Variants in PTPRB observed in about 807,000 individuals in gnomAD.
PTPRB encodes protein tyrosine phosphatase receptor type B, also known as receptor-type tyrosine-protein phosphatase beta.
A neutral mutation model predicts 238.1 loss-of-function variants in PTPRB; 97 were observed. That is an observed-to-expected ratio of 0.41 (90% CI 0.35 to 0.48). The LOEUF is 0.48. Among genes scored for constraint, PTPRB ranks in the 20% least tolerant of loss-of-function variants. PTPRB has a pLI of 0.30. For missense variants in PTPRB, 2,292 were observed against 2,681.9 expected (o/e 0.85, Z 3.21); for synonymous variants, 970 against 995.4 (o/e 0.97, Z 0.48).
At chr12:70,614,339 T>G (rs1884588419) in intron 3 of PTPRB, among the ~76,000 whole-genome samples, 1 of 152,224 alleles carries the variant, frequency 6.6e-6, no homozygotes, top group Admixed American at 6.5e-5. Flanking sequence ...GGCTTTAATT[T>G]TTTTTTTAAT....
chr12:70,612,223 C>T (rs1048511446), intron 3 of PTPRB, among the ~76,000 whole-genome samples: 2 of 152,200 alleles, frequency 1.3e-5, no homozygotes, highest in African/African-American at 4.8e-5. Context: ...GACCCATAAA[C>T]ATGAGCATAC....
chr12:70,607,807 TC>T (rs887677678), intron 4 of PTPRB, among the ~76,000 whole-genome samples: 1 of 152,098 alleles, frequency 6.6e-6, no homozygotes, highest in Non-Finnish European at 1.5e-5. Context: ...TGCCTCAGCC[TC>T]CCAAAGTGCT....
At chr12:70,601,135 G>T (rs1333721458) in intron 4 of PTPRB, among the ~76,000 whole-genome samples, 1 of 152,010 alleles carries the variant, frequency 6.6e-6, no homozygotes, top group Non-Finnish European at 1.5e-5. Flanking sequence ...CAAAGTGCTG[G>T]GATTACAAGC....
chr12:70,572,396 G>A (rs1257490240), intron 11 of PTPRB, among the ~76,000 whole-genome samples: 3 of 152,078 alleles, frequency 2.0e-5, no homozygotes, highest in East Asian at 3.9e-4. Flanking sequence ...GATGGTAAAC[G>A]ATATAGATAA....
In PTPRB at chr12:70,559,334, A is replaced by G. The variant is rs770649548; in HGVS notation, c.4714+9T>C. The G allele has an allele frequency of 6.2e-7, 1 of 1,602,342 alleles. No individual in the cohort carries two copies. The highest frequency in any genetic ancestry group is 1.1e-5 in the South Asian group (1 of 90,828). On this transcript the variant is annotated intron_variant, in intron 18 of 33. Coordinates refer to ENST00000334414, the MANE Select transcript of PTPRB (RefSeq NM_001109754.4). Reference sequence around the variant, plus strand: ...ATTTGAGAAATAAGAGTAGCAAAACATGTCATACTTGTCCTCACAGATCCA... The same window carrying G: ...ATTTGAGAAATAAGAGTAGCAAAACGTGTCATACTTGTCCTCACAGATCCA...
chr12:70,580,701 C>A (rs2136420291), intron 10 of PTPRB, among the ~76,000 whole-genome samples: 1 of 152,180 alleles, frequency 6.6e-6, no homozygotes, highest in Non-Finnish European at 1.5e-5. Context: ...CGCCTGTAAT[C>A]CCAGCTACTC....
intron 32 of PTPRB, among the ~76,000 whole-genome samples, chr12:70,529,374 G>A (rs536217167): frequency 1.7e-4 from 26 of 152,216 alleles, no homozygotes; most frequent in African/African-American, 6.3e-4. Context: ...ACAATTACTA[G>A]AGCACACAAA....
intron 22 of PTPRB, chr12:70,541,634 G>C (rs145820986): frequency 2.0e-5 from 3 of 148,732 alleles, no homozygotes; most frequent in African/African-American, 7.3e-5. Context: ...CCCTCCCCGC[G>C]ATCCCTGGCA....
At chr12:70,635,343 C>T (rs575156737) in intron 2 of PTPRB, among the ~76,000 whole-genome samples, 1 of 152,264 alleles carries the variant, frequency 6.6e-6, no homozygotes, top group Non-Finnish European at 1.5e-5. Context: ...TATATGCCTA[C>T]ATCCATATTC....
Position 70,539,705 on chromosome 12 carries a change from G to A in PTPRB, c.5698C>T (p.Pro1900Ser). The A allele has an allele frequency of 6.2e-7, 1 of 1,602,560 alleles. No homozygotes were observed. The highest frequency in any genetic ancestry group is 8.5e-7 in the Non-Finnish European group (1 of 1,171,730). Reference protein sequence around the residue: ...GQKGNRKTSCPIKINQFEGHF... With the variant: ...GQKGNRKTSCSIKINQFEGHF... ...CCTTCAAACTGATTTATTTTTATTG[G>A]ACTGTAATTAAAAATGAAACAAACA... Residue 1900 changes from proline (P) to serine (S), a missense_variant and splice_region_variant, in exon 26 of 34, where the codon CCA becomes TCA. By Grantham distance (74) the Pro-to-Ser change is moderately conservative (BLOSUM62 -1). Transcript: ENST00000334414.
chr12:70,537,212 G>A (rs1482960686), intron 28 of PTPRB, among the ~76,000 whole-genome samples: 2 of 145,090 alleles, frequency 1.4e-5, no homozygotes, highest in African/African-American at 2.6e-5. Flanking sequence ...GCGTGAACCC[G>A]GGAGGCGGAG....
chr12:70,614,426 AGTGAATTG>A (rs971875000), intron 3 of PTPRB, among the ~76,000 whole-genome samples: 2 of 152,132 alleles, frequency 1.3e-5, no homozygotes, highest in Admixed American at 1.3e-4. Context: ...GTATTACTTA[AGTGAATTG>A]GTGACCTTTA....
intron 33 of PTPRB, among the ~76,000 whole-genome samples, chr12:70,524,033 G>C (rs1871977135): frequency 6.6e-6 from 1 of 151,762 alleles, no homozygotes; most frequent in Non-Finnish European, 1.5e-5. Flanking sequence ...CTGGTCTCGA[G>C]GTGATCTGCC....
At chr12:70,551,455 A>G (rs1287574237) in intron 21 of PTPRB, among the ~76,000 whole-genome samples, 1 of 152,124 alleles carries the variant, frequency 6.6e-6, no homozygotes, top group Admixed American at 6.5e-5. Context: ...TTTTAGGAAA[A>G]ACATCTGTCT....
chr12:70,539,095 TAAC>T (rs772686498), intron 26 of PTPRB, 81 bp from the exon 27 acceptor site: 3 of 1,112,678 alleles, frequency 2.7e-6, no homozygotes, highest in Admixed American at 2.0e-5. Flanking sequence ...GATAACATAA[TAAC>T]ATGAAAATAT....
intron 21 of PTPRB, among the ~76,000 whole-genome samples, chr12:70,547,171 A>G (rs1239802212): frequency 6.6e-6 from 1 of 152,216 alleles, no homozygotes; most frequent in Non-Finnish European, 1.5e-5. Context: ...GTAATCCTGT[A>G]AAATGAACAT....
rs73140144 is a variant in PTPRB at position 70,566,385 on chromosome 12, T to C, written c.3904+50A>G. 4,240 of 1,588,098 alleles carry C rather than the reference T, an allele frequency of 2.7e-3. 16 individuals are homozygous for C. Among genetic ancestry groups the C allele is most frequent in the Non-Finnish European group, 2.9e-3 (3,407 of 1,165,790 alleles). On this transcript the variant is annotated intron_variant, in intron 15 of 33. Coordinates refer to ENST00000334414, the MANE Select transcript of PTPRB (RefSeq NM_001109754.4). ...CTCTCACCCTGGGGTTCTTACACAA[T>C]AGCAGACATTGGCAATATGTGCTAC...
chr12:70,529,935 CAAAATCCAT>C (rs1872935546), intron 32 of PTPRB, among the ~76,000 whole-genome samples: 1 of 151,902 alleles, frequency 6.6e-6, no homozygotes, highest in Non-Finnish European at 1.5e-5. Flanking sequence ...CACCAGCTGA[CAAAATCCAT>C]GGGGAGTAGA....
chr12:70,540,919 G>A lies in PTPRB; in HGVS notation c.5533C>T (p.Leu1845=), dbSNP rs1368674133. The A allele has an allele frequency of 1.2e-6, 2 of 1,607,380 alleles. No individual in the cohort carries two copies. Among genetic ancestry groups the A allele is most frequent in the Admixed American group, 3.4e-5 (2 of 59,218 alleles). The change falls in exon 23 of 34, where the codon CTG becomes TTG. Residue 1845 remains leucine, a synonymous_variant. Transcript: ENST00000334414. ...FGAIEGVSAG[L]FLIGMLVAVV... is the part of the protein sequence containing the mutation. ...GCCACTAGCATGCCAATTAAAAACA[G>A]ACCAGCACTCACACCTTCAATAGCT...
Sources: gnomAD v4.1 joint callset for allele counts (sites outside exome capture counted in the v4.1 genomes callset) on GRCh38, gnomAD v4.1.1 for gene constraint, MANE v1.5 for transcripts, NCBI Gene and HGNC (gene_info 2026-07-23, HGNC 2026-07-21) for gene names.